The following TNNI3K variants were observed in gnomAD, a reference collection of about 807,000 sequenced individuals.
The protein encoded by TNNI3K is serine/threonine-protein kinase TNNI3K.
In TNNI3K, 140 loss-of-function variants were observed where a neutral mutation model predicts 114.5. The ratio of observed to expected loss-of-function variants is 1.22; its 90% confidence interval spans 1.07 to 1.41. The LOEUF (loss-of-function observed/expected upper bound fraction) is 1.41, where lower values mean the gene tolerates loss of function less well. Ranked by LOEUF, TNNI3K falls within the 40% of genes most tolerant of loss-of-function variation. The probability of loss-of-function intolerance (pLI) is 0.00; values close to 1 mark genes in which losing one functional copy is unlikely to be tolerated. For synonymous variants in TNNI3K, 347 were observed against 347.5 expected (o/e 1.00, Z 0.02); for missense variants, 1,125 against 1,007.6 (o/e 1.12, Z -1.58).
intron 5 of TNNI3K, among the ~76,000 whole-genome samples, chr1:74,317,545 C>T (rs534731717): frequency 6.6e-5 from 10 of 152,082 alleles, no homozygotes; most frequent in African/African-American, 2.2e-4. Flanking sequence ...GCAGTGAGGA[C>T]ACATGAAAAG....
At chr1:74,504,024 T>G (rs183587829) in intron 23 of TNNI3K, among the ~76,000 whole-genome samples, 85 of 152,276 alleles carry the variant, frequency 5.6e-4, no homozygotes, top group Admixed American at 1.9e-3. Context: ...ACACAGCCAT[T>G]TACTATATTT....
intron 17 of TNNI3K, among the ~76,000 whole-genome samples, chr1:74,421,801 C>A (rs1665407632): frequency 6.6e-6 from 1 of 151,856 alleles, no homozygotes; most frequent in South Asian, 2.1e-4. Context: ...TGTAGCATAC[C>A]ACCCTCAGCA....
Position 74,432,733 on chromosome 1 carries a change from G to A in TNNI3K, c.1773-3347G>A, listed in dbSNP as rs149716502. Among the ~76,000 whole-genome samples, 1,112 of 152,094 alleles carry A rather than the reference G, an allele frequency of 7.3e-3. 11 individuals are homozygous for A. Among genetic ancestry groups the A allele is most frequent in the African/African-American group, 0.025 (1,045 of 41,498 alleles). On this transcript the variant is annotated intron_variant, in intron 17 of 24. Transcript: ENST00000326637. Reference sequence around the variant, plus strand: ...AACATATTGAAAACAGGTATTTTGGGCACTAGCTGGTAGGCCTGACTTCAC... The same window carrying A: ...AACATATTGAAAACAGGTATTTTGGACACTAGCTGGTAGGCCTGACTTCAC...
chr1:74,278,537 G>T (rs1032813360), intron 5 of TNNI3K, among the ~76,000 whole-genome samples: 10 of 151,986 alleles, frequency 6.6e-5, no homozygotes, highest in African/African-American at 2.4e-4. Flanking sequence ...TTTTTGTATG[G>T]TCCCCATTCT....
At chr1:74,483,138 A>G in intron 21 of TNNI3K, 1 of 565,814 alleles carries the variant, frequency 1.8e-6, no homozygotes, top group Non-Finnish European at 3.2e-6. Flanking sequence ...CATTGTATGA[A>G]GTGTACTCAT....
intron 5 of TNNI3K, among the ~76,000 whole-genome samples, chr1:74,296,136 C>T (rs1657968212): frequency 6.6e-6 from 1 of 151,886 alleles, no homozygotes; most frequent in African/African-American, 2.4e-5. Context: ...ATTAGCCGGG[C>T]GAGGCGGCGG....
chr1:74,258,926 G>A lies in TNNI3K; in HGVS notation c.333+8157G>A, dbSNP rs371095331. Among the ~76,000 whole-genome samples, 179 of 152,216 alleles carry A rather than the reference G, an allele frequency of 1.2e-3. 1 individual carries two copies. The South Asian group carries it at 0.019, about 16-fold the overall frequency. The stretch of plus-strand genomic sequence containing the variant: ...TCTAAATTTTTAACAAACAACCTAG[G>A]AATTTTGATGTAAACAATCTAGGTC... On this transcript the variant is annotated intron_variant, in intron 4 of 24. Transcript: ENST00000326637.
intron 20 of TNNI3K, among the ~76,000 whole-genome samples, chr1:74,451,698 T>TTC (rs1557575122): frequency 5.7e-5 from 4 of 70,174 alleles, no homozygotes; most frequent in African/African-American, 2.5e-4. Flanking sequence ...TTTCTTTCTT[T>TTC]CTTTCTTTCT....
At chr1:74,351,422 G>A (rs1158132657) in intron 9 of TNNI3K, among the ~76,000 whole-genome samples, 1 of 151,610 alleles carries the variant, frequency 6.6e-6, no homozygotes, top group Non-Finnish European at 1.5e-5. Flanking sequence ...TTTCAACTTT[G>A]GTGAATCTGA....
chr1:74,368,621 G>A (rs148592481), intron 13 of TNNI3K, among the ~76,000 whole-genome samples: 85 of 151,886 alleles, frequency 5.6e-4, no homozygotes, highest in African/African-American at 1.7e-3. Context: ...AATGTGATAC[G>A]GACTGGACTC....
chr1:74,374,256 A>T (rs1014975426), intron 17 of TNNI3K: 18 of 151,954 alleles, frequency 1.2e-4, no homozygotes, highest in African/African-American at 4.3e-4. Flanking sequence ...AGGAAGGAGT[A>T]AGAAAGTAGT....
intron 17 of TNNI3K, among the ~76,000 whole-genome samples, chr1:74,435,716 ACT>A (rs1557563840): frequency 6.6e-6 from 1 of 151,514 alleles, no homozygotes; most frequent in Non-Finnish European, 1.5e-5. Flanking sequence ...TCTTGCTCTG[ACT>A]CTAATACGCC....
At position 74,534,009 on chromosome 1, in the gene TNNI3K, C is replaced by A. The variant is rs376099311; in HGVS notation, c.2352-6225C>A. On this transcript the variant is annotated intron_variant, in intron 23 of 24. Coordinates refer to ENST00000326637, the MANE Select transcript of TNNI3K (RefSeq NM_015978.3). ...AGTCATTCGAACTTTCTGAGCCTGACTTTGCATCCCCAAAACGCCGGTGAA... is the reference window on the plus strand; with the variant it reads ...AGTCATTCGAACTTTCTGAGCCTGAATTTGCATCCCCAAAACGCCGGTGAA... 4.6e-5 allele frequency among the ~76,000 whole-genome samples: 7 copies of A among 152,296 alleles called. No individual in the cohort carries two copies. The East Asian group carries it at 7.7e-4, about 17-fold the overall frequency.
chr1:74,440,906 T>C (rs1666350484), intron 20 of TNNI3K, among the ~76,000 whole-genome samples: 1 of 152,080 alleles, frequency 6.6e-6, no homozygotes, highest in Admixed American at 6.6e-5. Flanking sequence ...ATGGTGTTTT[T>C]TCGTAAGAAA....
At chr1:74,342,705 T>A in intron 7 of TNNI3K, 137 bp from the exon 8 acceptor site, 1 of 1,165,448 alleles carries the variant, frequency 8.6e-7, no homozygotes, top group Non-Finnish European at 1.2e-6. Context: ...CGCCCTTAAT[T>A]TCCTTTATGA....
In TNNI3K at chr1:74,491,964, C is replaced by T. The variant is rs1283199570; in HGVS notation, c.2182-133C>T. The T allele has an allele frequency of 3.0e-6, 4 of 1,312,186 alleles. No homozygotes were observed. In the Admixed American group the frequency reaches 1.0e-4, roughly 34 times the overall value. 81.3% of individuals were successfully genotyped at this position (1,312,186 alleles called of 1,614,324 possible). ...CTAGACTTTTTCCTGAAAGGAAAAG[C>T]CAGGAGCAAGCTGAGTGAATAGAAA... On this transcript the variant is annotated intron_variant, in intron 22 of 24. Transcript: ENST00000326637.
intron 23 of TNNI3K, among the ~76,000 whole-genome samples, chr1:74,495,183 C>G (rs1185715598): frequency 6.6e-6 from 1 of 152,178 alleles, no homozygotes; most frequent in African/African-American, 2.4e-5. Flanking sequence ...GTGCAAGTTT[C>G]TCTTAACAGC....
chr1:74,331,111 A>G (rs1367116922), intron 5 of TNNI3K, among the ~76,000 whole-genome samples: 1 of 152,160 alleles, frequency 6.6e-6, no homozygotes, highest in Non-Finnish European at 1.5e-5. Context: ...GCAGAAGGAC[A>G]TTTCTGGCTG....
intron 20 of TNNI3K, among the ~76,000 whole-genome samples, chr1:74,452,673 G>A (rs1667075993): frequency 6.6e-6 from 1 of 152,068 alleles, no homozygotes; most frequent in Non-Finnish European, 1.5e-5. Flanking sequence ...TTTGAACATA[G>A]CACTTCTTTG....
Sources: gnomAD v4.1 joint callset for allele counts (sites outside exome capture counted in the v4.1 genomes callset) on GRCh38, gnomAD v4.1.1 for gene constraint, MANE v1.5 for transcripts, NCBI Gene and HGNC (gene_info 2026-07-23, HGNC 2026-07-21) for gene names.